The following TTC28 variants were observed in gnomAD, a reference collection of about 807,000 sequenced individuals.
TTC28 encodes tetratricopeptide repeat protein 28.
A neutral mutation model predicts 198.0 loss-of-function variants in TTC28; 61 were observed. The observed-to-expected ratio is 0.31, with a 90% CI of 0.25 to 0.38. The LOEUF is 0.38. Among genes scored for constraint, TTC28 ranks in the 10% least tolerant of loss-of-function variants. The probability of loss-of-function intolerance (pLI) is 1.00; values close to 1 mark genes in which losing one functional copy is unlikely to be tolerated. For synonymous variants in TTC28, 1,171 were observed against 1,297.8 expected (o/e 0.90, Z 2.10); for missense variants, 2,678 against 3,164.0 (o/e 0.85, Z 3.69).
At chr22:28,244,359 A>T (rs1057207758) in intron 5 of TTC28, among the ~76,000 whole-genome samples, 18 of 152,218 alleles carry the variant, frequency 1.2e-4, no homozygotes, top group Non-Finnish European at 1.9e-4. Context: ...TCCTTCAACC[A>T]CTACATTTAC....
At chr22:28,458,699 G>T (rs1221387043) in intron 2 of TTC28, among the ~76,000 whole-genome samples, 1 of 151,844 alleles carries the variant, frequency 6.6e-6, no homozygotes, top group East Asian at 1.9e-4. Flanking sequence ...GGCTAACACG[G>T]TGAAACCCCA....
chr22:28,421,710 AC>A, intron 2 of TTC28, among the ~76,000 whole-genome samples: 1 of 152,228 alleles, frequency 6.6e-6, no homozygotes, highest in East Asian at 1.9e-4. Context: ...CACTTTGGGA[AC>A]CCAAGGCAGG....
intron 2 of TTC28, among the ~76,000 whole-genome samples, chr22:28,516,192 T>A (rs1217415212): frequency 6.6e-6 from 1 of 151,688 alleles, no homozygotes; most frequent in East Asian, 1.9e-4. Context: ...GGAAAATAAA[T>A]GATTTTATTA....
chr22:27,983,938 G>T, intron 22 of TTC28, 87 bp from the exon 23 acceptor site: 1 of 1,334,994 alleles, frequency 7.5e-7, no homozygotes, highest in Non-Finnish European at 1.0e-6. Context: ...ATCTTTATAT[G>T]CATAGAAGCT....
chr22:28,428,869 T>C (rs965978546), intron 2 of TTC28, among the ~76,000 whole-genome samples: 5 of 152,056 alleles, frequency 3.3e-5, no homozygotes, highest in Non-Finnish European at 7.4e-5. Context: ...CTCGATCTCC[T>C]GACCTCGTGA....
intron 13 of TTC28, among the ~76,000 whole-genome samples, chr22:28,025,539 C>T (rs1227543743): frequency 6.6e-5 from 10 of 152,156 alleles, no homozygotes; most frequent in East Asian, 1.9e-4. Flanking sequence ...TGCTGCAGCA[C>T]GCCTCCGTAC....
intron 2 of TTC28, among the ~76,000 whole-genome samples, chr22:28,338,925 G>C (rs1363754216): frequency 6.6e-6 from 1 of 152,162 alleles, no homozygotes; most frequent in African/African-American, 2.4e-5. Context: ...AAGGAGCTGT[G>C]TTCCTTTGGA....
intron 2 of TTC28, among the ~76,000 whole-genome samples, chr22:28,575,037 C>A (rs2050123855): frequency 6.6e-6 from 1 of 152,106 alleles, no homozygotes; most frequent in African/African-American, 2.4e-5. Flanking sequence ...TTGATGTGAT[C>A]CCATTTGTCC....
chr22:28,396,492 C>A (rs2046818745), intron 2 of TTC28, among the ~76,000 whole-genome samples: 1 of 152,186 alleles, frequency 6.6e-6, no homozygotes, highest in Admixed American at 6.6e-5. Flanking sequence ...CTCTGTCCCC[C>A]TCCCCAACCC....
chr22:28,374,841 T>C (rs570295305), intron 2 of TTC28, among the ~76,000 whole-genome samples: 6 of 151,510 alleles, frequency 4.0e-5, no homozygotes, highest in African/African-American at 1.2e-4. Context: ...ACCACCATGC[T>C]CAGCTAATTT....
At chr22:28,460,728 G>C (rs1169877067) in intron 2 of TTC28, among the ~76,000 whole-genome samples, 1 of 152,094 alleles carries the variant, frequency 6.6e-6, no homozygotes, top group African/African-American at 2.4e-5. Context: ...TTGTCACCCA[G>C]GCTGCAGTGC....
chr22:28,593,559 T>C (rs1447774079), intron 2 of TTC28, among the ~76,000 whole-genome samples: 6 of 147,962 alleles, frequency 4.1e-5, no homozygotes. Flanking sequence ...AGAGTTTAGA[T>C]TGACTGATTG....
intron 2 of TTC28, among the ~76,000 whole-genome samples, chr22:28,407,471 C>CGT (rs1569309236): frequency 7.2e-6 from 1 of 139,522 alleles, no homozygotes; most frequent in African/African-American, 2.8e-5. Flanking sequence ...CACATGCGTG[C>CGT]GCACACACAC....
chr22:28,126,092 A>G (rs531485775), intron 6 of TTC28, among the ~76,000 whole-genome samples: 13 of 152,330 alleles, frequency 8.5e-5, no homozygotes, highest in African/African-American at 3.1e-4. Flanking sequence ...GGTCCTAGAG[A>G]GGATTGGAGA....
At chr22:28,567,479 C>CATATAT (rs398040471) in intron 2 of TTC28, among the ~76,000 whole-genome samples, 2,584 of 51,030 alleles carry the variant, frequency 0.051, 252 homozygotes, top group African/African-American at 0.14. Context: ...TACATACATA[C>CATATAT]ATATATATAT....
rs1200772231 is a variant in TTC28 at position 27,998,779 on chromosome 22, T to A, written c.4880A>T (p.Gln1627Leu). 6.4e-7 allele frequency: 1 copy of A among 1,550,566 alleles called. No individual in the cohort carries two copies. The highest frequency in any genetic ancestry group is 1.4e-5 in the African/African-American group (1 of 73,052). The change falls in exon 16 of 23, where the codon CAG becomes CTG. Residue 1627 changes from glutamine to leucine, a missense_variant. Around this residue, in one of 8 missense-constraint regions of TTC28, gnomAD observed 727 missense variants for 861.9 expected, o/e 0.84. Transcript: ENST00000397906. Reference protein sequence around the residue: ...PVKLVVLGSSQESNSKVTADG... With the variant: ...PVKLVVLGSSLESNSKVTADG... ...GGCTGTGACTTTGCTGTTGGACTCC[T>A]GGGAGGAGCCAAGCACCACCAGCTT...
In TTC28 at chr22:27,990,017, G is replaced by C. The variant is rs769391057; in HGVS notation, c.5578-10C>G. The C allele has an allele frequency of 3.9e-5, 60 of 1,548,962 alleles. No individual in the cohort carries two copies. The highest frequency in any genetic ancestry group is 4.8e-5 in the Non-Finnish European group (55 of 1,145,452). ...CCAGCACCTGGTGGAGCTGAGGAAG[G>C]GGGGACAGCGTGAGCACCCTGTGTC... is the stretch of plus-strand genomic sequence containing the variant. On this transcript the variant is annotated splice_polypyrimidine_tract_variant and intron_variant, in intron 20 of 22. Coordinates refer to ENST00000397906, the MANE Select transcript of TTC28 (RefSeq NM_001145418.2).
chr22:28,193,460 C>T (rs577917041), intron 5 of TTC28, among the ~76,000 whole-genome samples: 6 of 152,122 alleles, frequency 3.9e-5, no homozygotes, highest in South Asian at 2.1e-4. Flanking sequence ...TGTAAATGGG[C>T]TAAATGCTCC....
At chr22:28,461,151 T>A (rs964257585) in intron 2 of TTC28, among the ~76,000 whole-genome samples, 3 of 152,218 alleles carry the variant, frequency 2.0e-5, no homozygotes, top group Non-Finnish European at 4.4e-5. Context: ...ATTTTCTATA[T>A]AGTTACCTTC....
Sources: allele counts gnomAD v4.1 joint callset (sites outside exome capture counted in the v4.1 genomes callset), GRCh38; gene constraint gnomAD v4.1.1; regional missense constraint gnomAD v4.1.1; transcripts MANE v1.5; gene names NCBI Gene and HGNC (gene_info 2026-07-23, HGNC 2026-07-21).